The following SPNS2 variants were observed in gnomAD, a reference collection of about 807,000 sequenced individuals.
The protein encoded by SPNS2 is sphingosine-1-phosphate transporter SPNS2.
Under a neutral mutation model 57.6 loss-of-function variants are expected in SPNS2, and 37 were observed. The observed-to-expected ratio is 0.64, with a 90% confidence interval of 0.49 to 0.85. The LOEUF (loss-of-function observed/expected upper bound fraction) is 0.85, where lower values mean the gene tolerates loss of function less well. Ranked by LOEUF, SPNS2 falls within the 40% of genes least tolerant of loss-of-function variation. SPNS2 has a pLI of 0.00. For missense variants in SPNS2, 831 were observed against 779.1 expected (o/e 1.07, Z -0.79); for synonymous variants, 440 against 346.9 (o/e 1.27, Z -2.98).
At chr17:4,534,649 C>A (rs1410499104) in intron 9 of SPNS2, among the ~76,000 whole-genome samples, 1 of 152,144 alleles carries the variant, frequency 6.6e-6, no homozygotes, top group Non-Finnish European at 1.5e-5. Flanking sequence ...TGCCTTACCC[C>A]ACCCTGAGCC....
chr17:4,536,976 C>CT, intron 12 of SPNS2, 30 bp downstream of exon 12: 1 of 1,610,036 alleles, frequency 6.2e-7, no homozygotes, highest in South Asian at 1.1e-5. Context: ...CACGTGGGGG[C>CT]TCCCTAAGGA....
At chr17:4,535,298 C>T (rs755607115) in intron 9 of SPNS2, among the ~76,000 whole-genome samples, 6 of 152,140 alleles carry the variant, frequency 3.9e-5, no homozygotes, top group Admixed American at 6.6e-5. Flanking sequence ...AGGGTGCCCG[C>T]GGGTGCGAGC....
chr17:4,505,388 G>GATGC (rs1904645672), intron 1 of SPNS2, among the ~76,000 whole-genome samples: 1 of 152,162 alleles, frequency 6.6e-6, no homozygotes, highest in Non-Finnish European at 1.5e-5. Context: ...GGGTTTCTCC[G>GATGC]ACAGTGGCTG....
At chr17:4,536,001 T>G in intron 9 of SPNS2, 75 bp from the exon 10 acceptor site, 1 of 1,286,220 alleles carries the variant, frequency 7.8e-7, no homozygotes, top group Non-Finnish European at 1.1e-6. Context: ...GCTTCAGAAG[T>G]GCCACGGCCC....
intron 2 of SPNS2, among the ~76,000 whole-genome samples, chr17:4,514,682 C>T (rs1169580908): frequency 6.6e-6 from 1 of 152,234 alleles, no homozygotes; most frequent in African/African-American, 2.4e-5. Context: ...CAACGCCTCC[C>T]CTACCCCTTC....
Position 4,510,565 on chromosome 17 carries a change from C to G in SPNS2, c.371-2682C>G, listed in dbSNP as rs965431354. Among the ~76,000 whole-genome samples, 33 of 152,236 alleles carry G rather than the reference C, an allele frequency of 2.2e-4. No individual in the cohort carries two copies. The highest frequency in any genetic ancestry group is 7.5e-4 in the African/African-American group (31 of 41,550). On this transcript the variant is annotated intron_variant, in intron 1 of 12. Coordinates refer to ENST00000329078, the MANE Select transcript of SPNS2 (RefSeq NM_001124758.3). This position sits in a 1 kb window ranked among gnomAD's most constrained non-coding sequence, Gnocchi z 4.4. ...TTGATTTGCCGTGGACACAGGATGT[C>G]ATCATGATGGCTATTTTGATATGGC...
rs1020698693 is a variant in SPNS2 at position 4,511,901 on chromosome 17, G to A, written c.371-1346G>A. Among the ~76,000 whole-genome samples the A allele has an allele frequency of 3.3e-5, 5 of 152,150 alleles. No homozygotes were observed. The highest frequency in any genetic ancestry group is 2.6e-4 in the Admixed American group (4 of 15,282). ...TCCTTCCACACCCCCAGTCCCAGCT[G>A]CCAGCAGGATCCTCATACAGCACCT... On this transcript the variant is annotated intron_variant, in intron 1 of 12. Transcript: ENST00000329078. This position sits in a 1 kb window ranked among gnomAD's most constrained non-coding sequence, Gnocchi z 4.6.
At chr17:4,502,702 C>T (rs765675461) in intron 1 of SPNS2, among the ~76,000 whole-genome samples, 20 of 152,340 alleles carry the variant, frequency 1.3e-4, no homozygotes, top group South Asian at 2.1e-4. Context: ...GCACCTGGGA[C>T]GGGGCCAGAT....
rs148088156 is a variant in SPNS2, at chr17:4,536,436, G to GAGGGA, written c.1607+10_1607+11insAGGGA. The stretch of plus-strand genomic sequence containing the variant: ...CCAGGGCTGAGCAGCAGTGAGTGGG[G>GAGGGA]GGGAGGGGAGGCCCTGCTGCACCGC... On this transcript the variant is annotated intron_variant, in intron 11 of 12. Coordinates refer to ENST00000329078, the MANE Select transcript of SPNS2 (RefSeq NM_001124758.3). 1.2e-5 allele frequency: 19 copies of GAGGGA among 1,596,036 alleles called. 1 individual carries two copies. In the South Asian group the frequency reaches 1.9e-4, roughly 16 times the overall value.
intron 3 of SPNS2, among the ~76,000 whole-genome samples, chr17:4,528,925 GC>G (rs1346794847): frequency 1.3e-5 from 2 of 150,806 alleles, no homozygotes; most frequent in Non-Finnish European, 1.5e-5. Context: ...TCATGATCCC[GC>G]TAATTTTTAT....
intron 10 of SPNS2, 42 bp downstream of exon 10, chr17:4,536,216 G>T (rs1555538126): frequency 2.5e-6 from 4 of 1,608,576 alleles, no homozygotes; most frequent in African/African-American, 1.3e-5. Flanking sequence ...CAGGCTGGGG[G>T]ACTGCAGGAG....
At chr17:4,529,596 C>T (rs1454808594) in intron 3 of SPNS2, among the ~76,000 whole-genome samples, 1 of 151,892 alleles carries the variant, frequency 6.6e-6, no homozygotes, top group Admixed American at 6.6e-5. Context: ...CGCTTGAACC[C>T]GGGGGGCAGA....
In SPNS2 at chr17:4,536,520, G is replaced by T. The variant is rs1003027345; in HGVS notation, c.1607+94G>T. On this transcript the variant is annotated intron_variant, in intron 11 of 12. Transcript: ENST00000329078. ...CCTGCCCTGGGGTGGGGCGGGGAGG[G>T]TACAGACCTCCCATGCACTCAGTGC... 39 of 1,412,444 alleles carry T rather than the reference G, an allele frequency of 2.8e-5. No homozygotes were observed. The East Asian group carries it at 8.7e-4, about 31-fold the overall frequency. The allele number at this position is 1,412,444 out of a possible 1,614,324, so 87.5% of individuals were successfully genotyped here. A position where few individuals can be genotyped will look rare whatever the true frequency, so the allele number is the denominator to read the frequency against.
chr17:4,522,003 A>T (rs1253261953), intron 2 of SPNS2, among the ~76,000 whole-genome samples: 1 of 152,176 alleles, frequency 6.6e-6, no homozygotes, highest in Admixed American at 6.5e-5. Flanking sequence ...GTTTGAGACC[A>T]GCCTGGCCAA....
chr17:4,538,871 G>A lies in SPNS2; in HGVS notation c.*1423G>A. 1 of 780,992 alleles carries A rather than the reference G, an allele frequency of 1.3e-6. No homozygotes were observed. Among genetic ancestry groups the A allele is most frequent in the South Asian group, 1.3e-5 (1 of 74,596 alleles). The allele number at this position is 780,992 out of a possible 1,614,324, so 48.4% of individuals were successfully genotyped here. On this transcript the variant is annotated 3_prime_UTR_variant, in exon 13 of 13. Coordinates refer to ENST00000329078, the MANE Select transcript of SPNS2 (RefSeq NM_001124758.3). The stretch of plus-strand genomic sequence containing the variant: ...CCAGCCTCAGCGGGGCCCCAGCGAT[G>A]TTTTCTTGTTGTACAAGAACCAGGT...
Position 4,532,546 on chromosome 17 carries a change from C to A in SPNS2, c.797C>A (p.Ser266Tyr). 6.2e-7 allele frequency: 1 copy of A among 1,614,158 alleles called. No individual in the cohort carries two copies. Among genetic ancestry groups the A allele is most frequent in the Non-Finnish European group, 8.5e-7 (1 of 1,180,040 alleles). Reference protein sequence around the residue: ...AGDWHWALRVSPVLGMITGTL... With the variant: ...AGDWHWALRVYPVLGMITGTL... ...TAACTTCCTGCTCTCTGGCAGGTGT[C>A]CCCTGTCCTGGGCATGATCACAGGA... Residue 266 changes from serine to tyrosine, a missense_variant, in exon 6 of 13, where the codon TCC (serine) becomes TAC (tyrosine). By Grantham distance (144) the Ser-to-Tyr change is moderately radical (BLOSUM62 -2). Around this residue, in one of 2 missense-constraint regions of SPNS2, gnomAD observed 526 missense variants for 400.9 expected, o/e 1.31. Coordinates refer to ENST00000329078, the MANE Select transcript of SPNS2 (RefSeq NM_001124758.3).
intron 9 of SPNS2, among the ~76,000 whole-genome samples, chr17:4,534,234 TGCCTGC>T (rs1267728659): frequency 6.6e-6 from 1 of 151,732 alleles, no homozygotes; most frequent in African/African-American, 2.4e-5. Context: ...CTCCCAGGCG[TGCCTGC>T]GGCTGGGGCT....
chr17:4,536,916 A>AAAAGTC lies in SPNS2; in HGVS notation c.1624_1625insAAAGTC (p.Met542delinsLysSerLeu), dbSNP rs773610211. ...CTCCCCCAGGGTGAACCAGCTGGCG[A>AAAAGTC]TGCCGCCCGCATCTGTGAAAGTCTG... On this transcript the variant is annotated protein_altering_variant, in exon 12 of 13. Coordinates refer to ENST00000329078, the MANE Select transcript of SPNS2 (RefSeq NM_001124758.3). The AAAAGTC allele has an allele frequency of 1.2e-6, 2 of 1,613,524 alleles. No homozygotes were observed. Among genetic ancestry groups the AAAAGTC allele is most frequent in the Admixed American group, 1.7e-5 (1 of 59,952 alleles).
At chr17:4,503,102 C>T (rs1904574368) in intron 1 of SPNS2, among the ~76,000 whole-genome samples, 2 of 152,210 alleles carry the variant, frequency 1.3e-5, no homozygotes, top group South Asian at 4.1e-4. Context: ...CTTGCACCTC[C>T]TTGCGCAGAT....
Sources: gnomAD v4.1 joint callset for allele counts (sites outside exome capture counted in the v4.1 genomes callset) on GRCh38, gnomAD v4.1.1 for gene constraint, gnomAD v4.1.1 regional missense constraint, Gnocchi (gnomAD v3.1) non-coding constraint, MANE v1.5 for transcripts, NCBI Gene and HGNC (gene_info 2026-07-23, HGNC 2026-07-21) for gene names.